Variants in CSMD1 observed in about 807,000 individuals in gnomAD.
CSMD1 encodes CUB and Sushi multiple domains 1.
In CSMD1, 213 loss-of-function variants were observed where a neutral mutation model predicts 417.5. The observed-to-expected ratio is 0.51, with a 90% confidence interval of 0.46 to 0.57. CSMD1 has a LOEUF of 0.57. CSMD1 is among the 20% of genes least tolerant of loss of function. The probability of loss-of-function intolerance (pLI) is 0.00; values close to 1 mark genes in which losing one functional copy is unlikely to be tolerated. For missense variants in CSMD1, 6,923 were observed against 4,529.7 expected, an observed-to-expected ratio of 1.53 and a Z score of -15.17; for synonymous variants, 2,862 against 1,736.8, an observed-to-expected ratio of 1.65 and a Z score of -16.11.
In CSMD1 at chr8:4,596,622, T is replaced by C. The variant is rs1023612837; in HGVS notation, c.302+40720A>G. ...CTTCCTAAATCAATGCAACATTGTC[T>C]TTGTTAACTTTGTTGTTGTTATTTC... On this transcript the variant is annotated intron_variant, in intron 2 of 69. Coordinates refer to ENST00000635120, the MANE Select transcript of CSMD1 (RefSeq NM_033225.6). Among the ~76,000 whole-genome samples, 7 of 152,376 alleles carry C rather than the reference T, an allele frequency of 4.6e-5. 1 individual carries two copies. In the South Asian group the frequency reaches 1.4e-3, roughly 32 times the overall value.
intron 5 of CSMD1, among the ~76,000 whole-genome samples, chr8:3,974,746 G>C (rs1450486801): frequency 6.6e-6 from 1 of 151,638 alleles, no homozygotes; most frequent in Admixed American, 6.6e-5. Flanking sequence ...CTAAATTTTG[G>C]TATACTTACG....
intron 3 of CSMD1, among the ~76,000 whole-genome samples, chr8:4,343,939 A>G (rs1412937967): frequency 6.6e-6 from 1 of 152,098 alleles, no homozygotes; most frequent in African/African-American, 2.4e-5. Flanking sequence ...GTGTTTTAAA[A>G]ATTATAATAA....
At chr8:3,777,665 A>G (rs1331502371) in intron 5 of CSMD1, among the ~76,000 whole-genome samples, 2 of 152,240 alleles carry the variant, frequency 1.3e-5, no homozygotes, top group African/African-American at 4.8e-5. Context: ...AGCCTCCTTG[A>G]AGTGCAGAGT....
chr8:4,783,538 T>C (rs371580568), intron 1 of CSMD1, among the ~76,000 whole-genome samples: 1 of 152,226 alleles, frequency 6.6e-6, no homozygotes, highest in Non-Finnish European at 1.5e-5. Flanking sequence ...GCAAATTACA[T>C]GGCTTTCCCT....
intron 47 of CSMD1, 127 bp from the exon 48 acceptor site, chr8:3,091,789 G>A: frequency 1.7e-5 from 12 of 723,518 alleles, no homozygotes; most frequent in South Asian, 4.9e-5. Flanking sequence ...TTACAAAAGT[G>A]GACAACAAAT....
At chr8:3,575,389 G>C (rs1800109582) in intron 9 of CSMD1, among the ~76,000 whole-genome samples, 1 of 152,098 alleles carries the variant, frequency 6.6e-6, no homozygotes, top group Non-Finnish European at 1.5e-5. Context: ...ATCCCAGTGT[G>C]ACTCAGAGTG....
chr8:3,177,717 T>G (rs1448991589), intron 37 of CSMD1, among the ~76,000 whole-genome samples: 1 of 152,172 alleles, frequency 6.6e-6, no homozygotes, highest in Non-Finnish European at 1.5e-5. Context: ...AATCTTGTTG[T>G]TCCTCCCACC....
intron 3 of CSMD1, among the ~76,000 whole-genome samples, chr8:4,380,179 G>T (rs1803010567): frequency 6.6e-6 from 1 of 152,152 alleles, no homozygotes; most frequent in South Asian, 2.1e-4. Flanking sequence ...AACTCCCTTA[G>T]GAGGGCTCCC....
At chr8:3,762,451 A>G (rs1798058918) in intron 5 of CSMD1, among the ~76,000 whole-genome samples, 1 of 152,204 alleles carries the variant, frequency 6.6e-6, no homozygotes, top group African/African-American at 2.4e-5. Flanking sequence ...CATTTTCAAA[A>G]TAGTAATGAC....
chr8:3,263,454 A>G (rs971440375), intron 26 of CSMD1, among the ~76,000 whole-genome samples: 1 of 152,158 alleles, frequency 6.6e-6, no homozygotes, highest in Non-Finnish European at 1.5e-5. Flanking sequence ...ATATGGATAC[A>G]TTGGGTCTTT....
At position 3,809,587 on chromosome 8, in the gene CSMD1, G is replaced by T. The variant is rs551030493; in HGVS notation, c.819-55545C>A. Among the ~76,000 whole-genome samples the T allele has an allele frequency of 3.9e-5, 6 of 152,050 alleles. No homozygotes were observed. The East Asian group carries it at 1.2e-3, about 30-fold the overall frequency. ...GGGAGAGCTTGTGAAAGTGTAGATA[G>T]TTGGCCCCACCTGCAGAGTGTCTAA... is the stretch of plus-strand genomic sequence containing the variant. On this transcript the variant is annotated intron_variant, in intron 5 of 69. Coordinates refer to ENST00000635120, the MANE Select transcript of CSMD1 (RefSeq NM_033225.6).
intron 42 of CSMD1, among the ~76,000 whole-genome samples, chr8:3,111,590 G>C (rs1365591644): frequency 6.6e-6 from 1 of 152,120 alleles, no homozygotes; most frequent in Non-Finnish European, 1.5e-5. Context: ...CCAGCACTTT[G>C]GGAGACTGAG....
At chr8:4,805,550 CT>C (rs1729202900) in intron 1 of CSMD1, among the ~76,000 whole-genome samples, 1 of 152,306 alleles carries the variant, frequency 6.6e-6, no homozygotes, top group East Asian at 1.9e-4. Context: ...TAACCTTCCC[CT>C]CTCACTTGCT....
At chr8:3,312,061 T>G (rs1399219266) in intron 23 of CSMD1, among the ~76,000 whole-genome samples, 1 of 152,186 alleles carries the variant, frequency 6.6e-6, no homozygotes, top group Admixed American at 6.5e-5. Flanking sequence ...AAACTTGCAT[T>G]AAAGCTTTGT....
chr8:4,808,598 G>T (rs1347891936), intron 1 of CSMD1, among the ~76,000 whole-genome samples: 2 of 152,076 alleles, frequency 1.3e-5, no homozygotes, highest in Non-Finnish European at 2.9e-5. Context: ...TGATACTAAT[G>T]GTTTCACCCA....
At chr8:4,156,652 C>A (rs961060267) in intron 3 of CSMD1, among the ~76,000 whole-genome samples, 1 of 152,052 alleles carries the variant, frequency 6.6e-6, no homozygotes, top group Non-Finnish European at 1.5e-5. Flanking sequence ...ATACCAGGTA[C>A]CCATCTGCTT....
At chr8:3,385,337 T>C (rs1187032024) in intron 18 of CSMD1, among the ~76,000 whole-genome samples, 1 of 73,978 alleles carries the variant, frequency 1.4e-5, no homozygotes, top group Non-Finnish European at 2.8e-5. Context: ...TGGATAATTT[T>C]TTTGTGTTTT....
intron 3 of CSMD1, among the ~76,000 whole-genome samples, chr8:4,253,863 G>T (rs1803254485): frequency 1.3e-5 from 2 of 148,832 alleles, no homozygotes; most frequent in African/African-American, 2.5e-5. Flanking sequence ...ATTTCCTGCT[G>T]GTCTTATCTA....
chr8:3,721,600 T>G (rs1179333471), intron 6 of CSMD1, among the ~76,000 whole-genome samples: 1 of 152,248 alleles, frequency 6.6e-6, no homozygotes, highest in African/African-American at 2.4e-5. Flanking sequence ...TATTTTCTCC[T>G]TTCTCAGTCC....
Sources: gnomAD v4.1 joint callset for allele counts (sites outside exome capture counted in the v4.1 genomes callset) on GRCh38, gnomAD v4.1.1 for gene constraint, MANE v1.5 for transcripts, NCBI Gene and HGNC (gene_info 2026-07-23, HGNC 2026-07-21) for gene names.